Variants in MYO10 observed in about 807,000 individuals in gnomAD.
MYO10 encodes unconventional myosin-X.
MYO10 carries 133 observed loss-of-function variants against 257.3 expected under a neutral mutation model. That is an observed-to-expected ratio of 0.52 (90% CI 0.45 to 0.60). The LOEUF (loss-of-function observed/expected upper bound fraction) is 0.60, where lower values mean the gene tolerates loss of function less well. Ranked by LOEUF, MYO10 falls within the 20% of genes least tolerant of loss-of-function variation. MYO10 has a pLI of 0.00. For synonymous variants in MYO10, 1,104 were observed against 1,028.6 expected (o/e 1.07, Z -1.40); for missense variants, 2,399 against 2,635.7 (o/e 0.91, Z 1.97).
At chr5:16,696,153 CTAAT>C (rs985643033) in intron 26 of MYO10, among the ~76,000 whole-genome samples, 1 of 152,186 alleles carries the variant, frequency 6.6e-6, no homozygotes, top group Non-Finnish European at 1.5e-5. Flanking sequence ...TTTATTTAAT[CTAAT>C]TGATTAATTA....
intron 3 of MYO10, among the ~76,000 whole-genome samples, chr5:16,796,793 G>T (rs1369052585): frequency 6.6e-6 from 1 of 152,194 alleles, no homozygotes; most frequent in Non-Finnish European, 1.5e-5. Context: ...TTCACATGCT[G>T]AAGCCCTAAT....
Position 16,666,711 on chromosome 5 carries a change from CTGCTGGCGGAGCGTGTCG to C in MYO10, c.6140_6157del (p.Thr2047_Ser2052del), listed in dbSNP as rs1425075771. The C allele has an allele frequency of 6.2e-7, 1 of 1,604,794 alleles. No individual in the cohort carries two copies. The highest frequency in any genetic ancestry group is 2.2e-5 in the East Asian group (1 of 44,734). On this transcript the variant is annotated inframe_deletion, in exon 41 of 41. Coordinates refer to ENST00000513610, the MANE Select transcript of MYO10 (RefSeq NM_012334.3). ...CCGCCTTCACCTGGAGCTGCCCTGG[CTGCTGGCGGAGCGTGTCG>C]TGCTGTAGCGCTTCTTCACGATCAT...
chr5:16,668,444 C>T lies in MYO10; in HGVS notation c.5908G>A (p.Glu1970Lys). 4.3e-6 allele frequency: 7 copies of T among 1,610,732 alleles called. No individual in the cohort carries two copies. Among genetic ancestry groups the T allele is most frequent in the Non-Finnish European group, 5.1e-6 (6 of 1,178,684 alleles). The part of the protein sequence containing the change: ...VECKEGGFPQ[E>K]LWLGVSADAV... Reference sequence around the variant, plus strand: ...TCCGCGCTGACACCCAACCAGAGTTCCTGAGGGAAGCCACCTTCCTTGCAC... The same window carrying T: ...TCCGCGCTGACACCCAACCAGAGTTTCTGAGGGAAGCCACCTTCCTTGCAC... The change falls in exon 40 of 41, where the codon GAA (glutamate) becomes AAA (lysine). Residue 1970 changes from glutamate to lysine, a missense_variant. Glu to Lys is a moderately conservative substitution (Grantham distance 56). Transcript: ENST00000513610.
chr5:16,922,234 G>T (rs1332044917), intron 1 of MYO10, among the ~76,000 whole-genome samples: 5 of 151,546 alleles, frequency 3.3e-5, no homozygotes, highest in Admixed American at 6.6e-5. Flanking sequence ...AAAAATCAAG[G>T]GTGCCAGGGT....
chr5:16,869,636 A>G lies in MYO10; in HGVS notation c.120+7973T>C, dbSNP rs1393533746. Among the ~76,000 whole-genome samples the G allele has an allele frequency of 7.7e-3, 1,144 of 148,760 alleles. 20 individuals carry two copies. Among genetic ancestry groups the G allele is most frequent in the African/African-American group, 0.021 (827 of 38,962 alleles). On this transcript the variant is annotated intron_variant, in intron 2 of 40. Transcript: ENST00000513610. ...TCCCAGCACTTTGGGAAGCCAAGGC[A>G]GGTGGATCACCTGAGGTCAGGAGTT...
At chr5:16,910,282 T>A (rs1745625708) in intron 1 of MYO10, among the ~76,000 whole-genome samples, 1 of 152,168 alleles carries the variant, frequency 6.6e-6, no homozygotes, top group African/African-American at 2.4e-5. Context: ...GAGCTGAAAA[T>A]CCTGAAACAA....
intron 27 of MYO10, 116 bp from the exon 28 acceptor site, chr5:16,690,035 C>T (rs1737425728): frequency 5.4e-6 from 4 of 747,404 alleles, no homozygotes; most frequent in Non-Finnish European, 9.3e-6. Flanking sequence ...ACTGACGAAA[C>T]GGTACACAGT....
intron 2 of MYO10, among the ~76,000 whole-genome samples, chr5:16,859,054 T>C (rs1428980540): frequency 6.6e-6 from 1 of 152,152 alleles, no homozygotes; most frequent in Non-Finnish European, 1.5e-5. Context: ...GCCTGCTCTT[T>C]ATCCTGTGTT....
intron 3 of MYO10, among the ~76,000 whole-genome samples, chr5:16,798,169 A>G (rs1426264250): frequency 1.3e-5 from 2 of 152,210 alleles, no homozygotes; most frequent in East Asian, 1.9e-4. Flanking sequence ...GCCAGTCTCC[A>G]GAACCATAAG....
intron 2 of MYO10, among the ~76,000 whole-genome samples, chr5:16,864,668 T>C (rs897714481): frequency 6.6e-5 from 10 of 152,212 alleles, no homozygotes; most frequent in Non-Finnish European, 1.2e-4. Flanking sequence ...TTTGTAAACA[T>C]GCACATGTTT....
At position 16,925,574 on chromosome 5, in the gene MYO10, G is replaced by A. The variant is rs922243095; in HGVS notation, c.21+10214C>T. The stretch of plus-strand genomic sequence containing the variant: ...TTACAGGCGCCTGCTACCACATCTG[G>A]CTAACTTTTGTATTTTTAGTAGAGA... On this transcript the variant is annotated intron_variant, in intron 1 of 40. Coordinates refer to ENST00000513610, the MANE Select transcript of MYO10 (RefSeq NM_012334.3). Among the ~76,000 whole-genome samples the A allele has an allele frequency of 2.6e-5, 4 of 152,174 alleles. No individual in the cohort carries two copies. The East Asian group carries it at 7.8e-4, about 29-fold the overall frequency.
intron 29 of MYO10, 71 bp downstream of exon 29, chr5:16,685,667 T>C: frequency 8.3e-7 from 1 of 1,200,564 alleles, no homozygotes; most frequent in Non-Finnish European, 1.2e-6. Flanking sequence ...TTTCCCTTTT[T>C]TACCATCCTG....
At chr5:16,859,732 G>T (rs766170507) in intron 2 of MYO10, among the ~76,000 whole-genome samples, 4 of 152,124 alleles carry the variant, frequency 2.6e-5, no homozygotes, top group Non-Finnish European at 5.9e-5. Flanking sequence ...GGGTGACAGG[G>T]TGACACTAAC....
chr5:16,818,524 C>T (rs540139723), intron 2 of MYO10, among the ~76,000 whole-genome samples: 3 of 151,552 alleles, frequency 2.0e-5, no homozygotes, highest in Admixed American at 1.3e-4. Flanking sequence ...GCAGCCTCCA[C>T]CTCTGAGACT....
chr5:16,836,962 A>T (rs1273911468), intron 2 of MYO10, among the ~76,000 whole-genome samples: 1 of 152,196 alleles, frequency 6.6e-6, no homozygotes, highest in East Asian at 1.9e-4. Flanking sequence ...AACAGATGAT[A>T]GATAGACATA....
chr5:16,855,445 C>T lies in MYO10; in HGVS notation c.120+22164G>A, dbSNP rs190483390. On this transcript the variant is annotated intron_variant, in intron 2 of 40. Transcript: ENST00000513610. ...TTTGGTGGAGGGAAAAAAAATAAAGCGAGATACATGTTTTAAATAAACTAT... is the reference window on the plus strand; with the variant it reads ...TTTGGTGGAGGGAAAAAAAATAAAGTGAGATACATGTTTTAAATAAACTAT... 4.0e-4 allele frequency among the ~76,000 whole-genome samples: 61 copies of T among 152,128 alleles called. No homozygotes were observed. In the East Asian group the frequency reaches 8.7e-3, roughly 22 times the overall value.
chr5:16,709,505 T>C (rs1175494600), intron 21 of MYO10, among the ~76,000 whole-genome samples: 1 of 152,108 alleles, frequency 6.6e-6, no homozygotes, highest in Non-Finnish European at 1.5e-5. Flanking sequence ...TCAAGGAATT[T>C]TGAGGGCTTC....
chr5:16,884,079 G>T (rs771558144), intron 1 of MYO10, among the ~76,000 whole-genome samples: 15 of 152,288 alleles, frequency 9.8e-5, no homozygotes, highest in Non-Finnish European at 1.6e-4. Context: ...CTTGAAATGT[G>T]ATCTGCTTTT....
intron 28 of MYO10, among the ~76,000 whole-genome samples, chr5:16,689,074 A>G (rs1420434116): frequency 2.0e-5 from 3 of 152,204 alleles, no homozygotes; most frequent in Admixed American, 6.5e-5. Flanking sequence ...AAGAAGTTCA[A>G]TGTCTCCATT....
Sources: allele counts gnomAD v4.1 joint callset (sites outside exome capture counted in the v4.1 genomes callset), GRCh38; gene constraint gnomAD v4.1.1; transcripts MANE v1.5; gene names NCBI Gene and HGNC (gene_info 2026-07-23, HGNC 2026-07-21).